HNRNPC: variants seen among roughly 807,000 people sequenced by gnomAD.
HNRNPC encodes the protein heterogeneous nuclear ribonucleoproteins C1/C2.
HNRNPC carries 3 observed loss-of-function variants against 33.2 expected under a neutral mutation model. The observed-to-expected ratio is 0.09, with a 90% CI of 0.04 to 0.23. The LOEUF (loss-of-function observed/expected upper bound fraction) is 0.23, where lower values mean the gene tolerates loss of function less well. HNRNPC is among the 10% of genes least tolerant of loss of function. The pLI is 1.00. For synonymous variants in HNRNPC, 121 were observed against 126.7 expected, an observed-to-expected ratio of 0.96 and a Z score of 0.30; for missense variants, 143 against 366.7, an observed-to-expected ratio of 0.39 and a Z score of 4.98.
intron 2 of HNRNPC, among the ~76,000 whole-genome samples, chr14:21,235,988 T>C (rs1212513761): frequency 6.6e-6 from 1 of 152,128 alleles, no homozygotes; most frequent in Non-Finnish European, 1.5e-5. Context: ...TTGAAAGGGG[T>C]ACCCTTTGGA....
At chr14:21,241,982 A>T (rs916749842) in intron 2 of HNRNPC, among the ~76,000 whole-genome samples, 3 of 152,216 alleles carry the variant, frequency 2.0e-5, no homozygotes, top group Non-Finnish European at 4.4e-5. Flanking sequence ...GAATAATTCA[A>T]TACATGGTAC....
intron 2 of HNRNPC, among the ~76,000 whole-genome samples, chr14:21,248,321 GCGTGAGCCC>G (rs1405061186): frequency 6.6e-6 from 1 of 152,120 alleles, no homozygotes; most frequent in African/African-American, 2.4e-5. Context: ...GGGATTACAG[GCGTGAGCCC>G]CTGCAACCAG....
rs1194387356 is a variant in HNRNPC at position 21,228,754 on chromosome 14, T to TAATTA, written c.365+1564_365+1565insTAATT. Among the ~76,000 whole-genome samples, 18 of 152,104 alleles carry TAATTA rather than the reference T, an allele frequency of 1.2e-4. No homozygotes were observed. In the South Asian group the frequency reaches 3.5e-3, roughly 30 times the overall value. On this transcript the variant is annotated intron_variant, in intron 5 of 8. Coordinates refer to ENST00000553300, the MANE Select transcript of HNRNPC (RefSeq NM_004500.4). ...AAATAAAAATGAAGAATTACAGAAC[T>TAATTA]CCTTAGTTTTCAAAATGTTCACACA... is the stretch of plus-strand genomic sequence containing the variant.
chr14:21,249,085 A>T (rs1378142634), intron 2 of HNRNPC, among the ~76,000 whole-genome samples: 5 of 152,230 alleles, frequency 3.3e-5, no homozygotes, highest in Non-Finnish European at 5.9e-5. Context: ...TGAGTTTTTT[A>T]AATTTTTCTC....
intron 1 of HNRNPC, among the ~76,000 whole-genome samples, chr14:21,267,188 T>C (rs1446224709): frequency 6.6e-6 from 1 of 151,666 alleles, no homozygotes; most frequent in Non-Finnish European, 1.5e-5. Context: ...AACAAAAAAT[T>C]TGAATTAGAA....
At chr14:21,214,309 T>C (rs1477248319) in intron 5 of HNRNPC, among the ~76,000 whole-genome samples, 4 of 152,208 alleles carry the variant, frequency 2.6e-5, no homozygotes, top group Admixed American at 2.6e-4. Context: ...AGTGGCAAGT[T>C]ATTCTGAGTT....
intron 2 of HNRNPC, among the ~76,000 whole-genome samples, chr14:21,250,545 A>G (rs1043770629): frequency 2.0e-5 from 3 of 152,230 alleles, no homozygotes; most frequent in African/African-American, 4.8e-5. Flanking sequence ...GATCTGCATT[A>G]AGAGTTCAGA....
At chr14:21,219,122 A>AAAAAAAGAAG (rs771795365) in intron 5 of HNRNPC, among the ~76,000 whole-genome samples, 1 of 150,392 alleles carries the variant, frequency 6.6e-6, no homozygotes, top group East Asian at 1.9e-4. Flanking sequence ...AAAAAAAAAA[A>AAAAAAAGAAG]AAGAAGAAAA....
At chr14:21,249,583 G>A (rs190334983) in intron 2 of HNRNPC, among the ~76,000 whole-genome samples, 2 of 97,780 alleles carry the variant, frequency 2.0e-5, no homozygotes, top group East Asian at 5.8e-4. Flanking sequence ...CGAAAACTGT[G>A]TCTCAAAAAC....
At chr14:21,221,343 T>C (rs1892805251) in intron 5 of HNRNPC, among the ~76,000 whole-genome samples, 1 of 152,172 alleles carries the variant, frequency 6.6e-6, no homozygotes, top group Non-Finnish European at 1.5e-5. Context: ...TAAAACTGAT[T>C]TTTGCAGCAT....
In HNRNPC at chr14:21,211,013, T is replaced by C; in HGVS notation, c.*210A>G. 3 of 588,034 alleles carry C rather than the reference T, an allele frequency of 5.1e-6. No homozygotes were observed. Among genetic ancestry groups the C allele is most frequent in the Non-Finnish European group, 9.1e-6 (3 of 331,090 alleles). 36.4% of individuals were successfully genotyped at this position (588,034 alleles called of 1,614,324 possible). ...AAAAGCAAAAATTACAGGGTAAGAC[T>C]TAACAAAACTACTAGGAGCGTCAAA... On this transcript the variant is annotated 3_prime_UTR_variant, in exon 9 of 9. Coordinates refer to ENST00000553300, the MANE Select transcript of HNRNPC (RefSeq NM_004500.4).
At chr14:21,227,744 T>C (rs1014477640) in intron 5 of HNRNPC, among the ~76,000 whole-genome samples, 2 of 152,310 alleles carry the variant, frequency 1.3e-5, no homozygotes, top group African/African-American at 4.8e-5. Context: ...ATTCACAATG[T>C]GCCTTGCCAA....
At chr14:21,242,582 G>A (rs973240111) in intron 2 of HNRNPC, among the ~76,000 whole-genome samples, 12 of 152,140 alleles carry the variant, frequency 7.9e-5, no homozygotes, top group Non-Finnish European at 1.2e-4. Context: ...TGCTAAAAGC[G>A]CCAGGTAAAA....
At chr14:21,265,789 C>T (rs1237994914) in intron 1 of HNRNPC, among the ~76,000 whole-genome samples, 1 of 152,142 alleles carries the variant, frequency 6.6e-6, no homozygotes, top group Non-Finnish European at 1.5e-5. Context: ...AAAAAAGTAT[C>T]CTTACCTAAA....
intron 5 of HNRNPC, among the ~76,000 whole-genome samples, chr14:21,227,674 A>G (rs918745839): frequency 1.3e-5 from 2 of 152,206 alleles, no homozygotes; most frequent in Admixed American, 6.5e-5. Context: ...TCTGCAGTAT[A>G]TATCTCATTG....
intron 5 of HNRNPC, among the ~76,000 whole-genome samples, chr14:21,222,372 G>C (rs748101151): frequency 6.6e-6 from 1 of 152,052 alleles, no homozygotes; most frequent in Non-Finnish European, 1.5e-5. Flanking sequence ...CTCCATGGCA[G>C]AATTTGTTTT....
intron 1 of HNRNPC, among the ~76,000 whole-genome samples, chr14:21,268,437 T>C (rs10133539): frequency 0.016 from 2,421 of 152,288 alleles, 31 homozygotes; most frequent in Middle Eastern, 0.078. Flanking sequence ...CATCAGGTTC[T>C]TGGCAAAGAT....
Position 21,211,447 on chromosome 14 carries a change from G to C in HNRNPC, c.757C>G (p.Leu253Val). Reference sequence around the variant, plus strand: ...TCTTCATTATCATCATCATCCAGTAGGTCCCCCTCCTCAGCAGAGTCATCT... The same window carrying C: ...TCTTCATTATCATCATCATCCAGTACGTCCCCCTCCTCAGCAGAGTCATCT... Reference protein sequence around the residue: ...GADDSAEEGDLLDDDDNEDRG... With the variant: ...GADDSAEEGDVLDDDDNEDRG... The change falls in exon 8 of 9, where the codon CTA becomes GTA. Residue 253 changes from leucine (L) to valine (V), a missense_variant. By Grantham distance (32) the Leu-to-Val change is conservative. Around this residue, in one of 2 missense-constraint regions of HNRNPC, gnomAD observed 131 missense variants for 253.0 expected, o/e 0.52. Coordinates refer to ENST00000553300, the MANE Select transcript of HNRNPC (RefSeq NM_004500.4). 1 of 1,602,130 alleles carries C rather than the reference G, an allele frequency of 6.2e-7. No homozygotes were observed. The highest frequency in any genetic ancestry group is 1.1e-5 in the South Asian group (1 of 90,810).
intron 2 of HNRNPC, among the ~76,000 whole-genome samples, chr14:21,254,245 G>A (rs1000636866): frequency 7.3e-5 from 11 of 151,650 alleles, no homozygotes; most frequent in African/African-American, 2.7e-4. Flanking sequence ...ACAGTGTATT[G>A]GTAAAATAAA....
Sources: allele counts gnomAD v4.1 joint callset (sites outside exome capture counted in the v4.1 genomes callset), GRCh38; gene constraint gnomAD v4.1.1; regional missense constraint gnomAD v4.1.1; transcripts MANE v1.5; gene names NCBI Gene and HGNC (gene_info 2026-07-23, HGNC 2026-07-21).